The following TMEM132C variants were observed in gnomAD, a reference collection of about 807,000 sequenced individuals.
TMEM132C encodes transmembrane protein 132C, also known as protein phosphatase 1, regulatory subunit 152.
TMEM132C carries 29 observed loss-of-function variants against 61.4 expected under a neutral mutation model. The observed-to-expected ratio is 0.47, with a 90% CI of 0.35 to 0.64. The LOEUF is 0.64. TMEM132C is among the 30% of genes least tolerant of loss of function. The pLI, the probability that TMEM132C is intolerant of heterozygous loss-of-function variation, is 0.00. For synonymous variants in TMEM132C, 656 were observed against 633.1 expected (o/e 1.04, Z -0.54); for missense variants, 1,408 against 1,476.9 (o/e 0.95, Z 0.76).
intron 1 of TMEM132C, among the ~76,000 whole-genome samples, chr12:128,304,613 A>G (rs933212390): frequency 1.3e-5 from 2 of 150,394 alleles, no homozygotes; most frequent in Admixed American, 6.6e-5. Flanking sequence ...CGTCTCAAAA[A>G]AAAGAAAGAA....
chr12:128,423,397 C>A (rs1343186110), intron 2 of TMEM132C, among the ~76,000 whole-genome samples: 1 of 152,228 alleles, frequency 6.6e-6, no homozygotes, highest in East Asian at 1.9e-4. Context: ...ATGTGCCTAA[C>A]AGCTGCGTAT....
At chr12:128,376,299 A>C (rs1335896383) in intron 1 of TMEM132C, among the ~76,000 whole-genome samples, 1 of 152,236 alleles carries the variant, frequency 6.6e-6, no homozygotes, top group Non-Finnish European at 1.5e-5. Flanking sequence ...CTCAGGGTCC[A>C]AATTTTGAAA....
chr12:128,307,156 C>T (rs1871811722), intron 1 of TMEM132C, among the ~76,000 whole-genome samples: 1 of 152,072 alleles, frequency 6.6e-6, no homozygotes, highest in African/African-American at 2.4e-5. Context: ...TATATGGCAC[C>T]ATAAGAGGCA....
chr12:128,542,705 A>C (rs1873799709), intron 2 of TMEM132C, among the ~76,000 whole-genome samples: 1 of 138,570 alleles, frequency 7.2e-6, no homozygotes, highest in Admixed American at 7.2e-5. Context: ...ACTAAAATAC[A>C]AAAAAAGTAG....
At chr12:128,363,861 A>AG (rs1310454846) in intron 1 of TMEM132C, among the ~76,000 whole-genome samples, 4 of 151,418 alleles carry the variant, frequency 2.6e-5, no homozygotes, top group African/African-American at 7.3e-5. Flanking sequence ...AAAAAAAAAA[A>AG]AAGAAGATGG....
chr12:128,339,683 A>C (rs1283788385), intron 1 of TMEM132C, among the ~76,000 whole-genome samples: 1 of 151,882 alleles, frequency 6.6e-6, no homozygotes, highest in Non-Finnish European at 1.5e-5. Context: ...GTACTAAAAA[A>C]AAAAAAAAGC....
intron 2 of TMEM132C, among the ~76,000 whole-genome samples, chr12:128,427,109 A>G (rs1593049433): frequency 6.6e-6 from 1 of 152,130 alleles, no homozygotes; most frequent in Non-Finnish European, 1.5e-5. Flanking sequence ...GTCTGCTGGC[A>G]CTTGTTTGTG....
At chr12:128,695,222 T>C (rs1318995674) in intron 6 of TMEM132C, among the ~76,000 whole-genome samples, 1 of 152,210 alleles carries the variant, frequency 6.6e-6, no homozygotes, top group Non-Finnish European at 1.5e-5. Flanking sequence ...TTTTTATTTA[T>C]TTAAATTAAC....
intron 4 of TMEM132C, among the ~76,000 whole-genome samples, chr12:128,644,461 C>T (rs1358871140): frequency 6.6e-6 from 1 of 152,030 alleles, no homozygotes; most frequent in Non-Finnish European, 1.5e-5. Flanking sequence ...ACTATTTGGC[C>T]ATAAAGAAAC....
chr12:128,518,587 T>C (rs774899296), intron 2 of TMEM132C, among the ~76,000 whole-genome samples: 25 of 152,254 alleles, frequency 1.6e-4, no homozygotes, highest in Non-Finnish European at 2.1e-4. Context: ...ATTTTAATTA[T>C]GCAAACATTT....
chr12:128,700,265 T>A (rs745783381), intron 8 of TMEM132C, among the ~76,000 whole-genome samples: 2 of 152,136 alleles, frequency 1.3e-5, no homozygotes, highest in African/African-American at 4.8e-5. Flanking sequence ...TCTAAATCAT[T>A]TCTGGGCATG....
chr12:128,416,841 AT>A (rs1413319757), intron 2 of TMEM132C, among the ~76,000 whole-genome samples: 2 of 152,104 alleles, frequency 1.3e-5, no homozygotes, highest in African/African-American at 4.8e-5. Context: ...TGTTTTCTGG[AT>A]ACGCTTGGAG....
intron 2 of TMEM132C, among the ~76,000 whole-genome samples, chr12:128,525,434 A>G (rs1027769039): frequency 1.3e-5 from 2 of 152,066 alleles, no homozygotes. Flanking sequence ...ATGAGAGATC[A>G]ACCTCACACC....
intron 2 of TMEM132C, among the ~76,000 whole-genome samples, chr12:128,507,503 G>C (rs1872415641): frequency 6.9e-6 from 1 of 145,534 alleles, no homozygotes; most frequent in Admixed American, 7.2e-5. Flanking sequence ...CACTGTCTGT[G>C]TGCTTCATTT....
chr12:128,549,603 A>G (rs1393918385), intron 3 of TMEM132C, among the ~76,000 whole-genome samples: 1 of 152,092 alleles, frequency 6.6e-6, no homozygotes, highest in Non-Finnish European at 1.5e-5. Context: ...TATCGGGGGA[A>G]GTTCAAAGAT....
chr12:128,586,411 A>T (rs553256433), intron 3 of TMEM132C, among the ~76,000 whole-genome samples: 1 of 151,326 alleles, frequency 6.6e-6, no homozygotes, highest in African/African-American at 2.4e-5. Flanking sequence ...TATTATAAAG[A>T]TCTATTTAGC....
At position 128,268,885 on chromosome 12, in the gene TMEM132C, GA is replaced by G. The variant is rs200395426; in HGVS notation, c.85+1399del. On this transcript the variant is annotated intron_variant, in intron 1 of 8. Transcript: ENST00000435159. ...AGGTAGGGAGGAGGGTGGGGTGAGA[GA>G]GGGGGGGGAAGAAGGAGTGAGAGAA... Among the ~76,000 whole-genome samples the G allele has an allele frequency of 5.1e-3, 632 of 124,712 alleles. 8 individuals carry two copies. Among genetic ancestry groups the G allele is most frequent in the African/African-American group, 0.017 (549 of 32,166 alleles). 81.8% of individuals were successfully genotyped at this position (124,712 alleles called of 152,430 possible).
chr12:128,428,984 G>A (rs973947409), intron 2 of TMEM132C, among the ~76,000 whole-genome samples: 5 of 152,286 alleles, frequency 3.3e-5, no homozygotes, highest in African/African-American at 1.2e-4. Context: ...ATTACACAGA[G>A]AGTCTATTGC....
intron 3 of TMEM132C, among the ~76,000 whole-genome samples, chr12:128,585,712 G>A (rs1332922121): frequency 6.6e-6 from 1 of 152,208 alleles, no homozygotes. Flanking sequence ...ACTATTTGAG[G>A]TTAAAAAGAA....
Sources: allele counts gnomAD v4.1 joint callset (sites outside exome capture counted in the v4.1 genomes callset), GRCh38; gene constraint gnomAD v4.1.1; transcripts MANE v1.5; gene names NCBI Gene and HGNC (gene_info 2026-07-23, HGNC 2026-07-21).